The following DOCK2 variants were observed in gnomAD, a reference collection of about 807,000 sequenced individuals.
DOCK2 encodes the protein dedicator of cytokinesis protein 2.
In DOCK2, 87 loss-of-function variants were observed where a neutral mutation model predicts 248.9. That is an observed-to-expected ratio of 0.35 (90% CI 0.29 to 0.42). The LOEUF (loss-of-function observed/expected upper bound fraction) is 0.42, where lower values mean the gene tolerates loss of function less well. Among genes scored for constraint, DOCK2 ranks in the 10% least tolerant of loss-of-function variants. The pLI, the probability that DOCK2 is intolerant of heterozygous loss-of-function variation, is 1.00. For missense variants in DOCK2, 1,747 were observed against 2,300.2 expected (o/e 0.76, Z 4.92); for synonymous variants, 805 against 821.6 (o/e 0.98, Z 0.35).
At chr5:169,910,880 G>C (rs1398178775) in intron 27 of DOCK2, among the ~76,000 whole-genome samples, 1 of 152,164 alleles carries the variant, frequency 6.6e-6, no homozygotes, top group African/African-American at 2.4e-5. Flanking sequence ...TTCTCCTGCA[G>C]GGGGTTGGTT....
At chr5:169,637,450 C>A (rs1465347188) in intron 1 of DOCK2, 81 bp downstream of exon 1, 8 of 1,276,702 alleles carry the variant, frequency 6.3e-6, no homozygotes, top group Non-Finnish European at 7.9e-6. Flanking sequence ...GCGGGGCCGG[C>A]GGCGCGGGGT....
At chr5:169,889,584 C>T (rs886584890) in intron 27 of DOCK2, among the ~76,000 whole-genome samples, 4 of 152,194 alleles carry the variant, frequency 2.6e-5, no homozygotes, top group Non-Finnish European at 5.9e-5. Context: ...GGGTGCTTTA[C>T]GTGTTAACTG....
intron 27 of DOCK2, among the ~76,000 whole-genome samples, chr5:169,950,417 CT>C (rs1190232513): frequency 6.6e-6 from 1 of 152,202 alleles, no homozygotes; most frequent in Non-Finnish European, 1.5e-5. Context: ...TCTTTTTGGA[CT>C]TTCAAACAAC....
intron 30 of DOCK2, among the ~76,000 whole-genome samples, chr5:170,000,754 G>C (rs1243474049): frequency 1.3e-5 from 2 of 152,190 alleles, no homozygotes; most frequent in African/African-American, 4.8e-5. Flanking sequence ...TTGGCTCTAG[G>C]TGTGGCCATT....
intron 27 of DOCK2, among the ~76,000 whole-genome samples, chr5:169,958,311 T>A (rs1478780810): frequency 6.6e-6 from 1 of 152,182 alleles, no homozygotes; most frequent in African/African-American, 2.4e-5. Context: ...ATATGGTCTT[T>A]GCCTTCCTTC....
chr5:170,063,585 G>T (rs533732887), intron 44 of DOCK2, among the ~76,000 whole-genome samples: 3 of 152,254 alleles, frequency 2.0e-5, no homozygotes, highest in Admixed American at 6.5e-5. Context: ...AGAGCCAGAG[G>T]TTGGCACTTC....
At chr5:169,637,511 T>G (rs1756892934) in intron 1 of DOCK2, 142 bp downstream of exon 1, 2 of 1,010,436 alleles carry the variant, frequency 2.0e-6, no homozygotes, top group South Asian at 7.2e-5. Context: ...CGGCGGGGCC[T>G]CGGGGCGGGA....
intron 2 of DOCK2, among the ~76,000 whole-genome samples, chr5:169,656,323 A>ATT (rs201780874): frequency 7.1e-6 from 1 of 139,962 alleles, no homozygotes. Context: ...GAGCTAGTGG[A>ATT]TTTTTTTTTT....
chr5:169,712,256 G>T, intron 17 of DOCK2, 33 bp downstream of exon 17: 1 of 1,591,986 alleles, frequency 6.3e-7, no homozygotes, highest in South Asian at 1.1e-5. Context: ...CTGCACTGAG[G>T]GGAGTGCAGG....
At chr5:170,063,827 G>T (rs7737767) in intron 44 of DOCK2, among the ~76,000 whole-genome samples, 37,081 of 152,122 alleles carry the variant, frequency 0.24, 5,131 homozygotes, top group African/African-American at 0.36. Context: ...ATCCCCAGAA[G>T]CAGAGGGTGC....
intron 21 of DOCK2, among the ~76,000 whole-genome samples, chr5:169,717,888 CCT>C (rs2113554564): frequency 6.6e-6 from 1 of 152,178 alleles, no homozygotes; most frequent in South Asian, 2.1e-4. Context: ...ATGGTGAAAC[CCT>C]GTCTCTACTA....
At chr5:169,642,863 A>G (rs1757223839) in intron 1 of DOCK2, among the ~76,000 whole-genome samples, 1 of 152,154 alleles carries the variant, frequency 6.6e-6, no homozygotes, top group African/African-American at 2.4e-5. Flanking sequence ...TCCTCCTGAG[A>G]TCAGCATCCT....
intron 22 of DOCK2, among the ~76,000 whole-genome samples, chr5:169,739,082 A>T (rs895234197): frequency 1.3e-5 from 2 of 152,220 alleles, no homozygotes; most frequent in African/African-American, 4.8e-5. Context: ...AAAAGAAGAA[A>T]TCACTTAACT....
intron 27 of DOCK2, among the ~76,000 whole-genome samples, chr5:169,915,004 T>C (rs535107498): frequency 7.9e-5 from 12 of 152,358 alleles, no homozygotes; most frequent in African/African-American, 2.2e-4. Flanking sequence ...GGCTCCATCA[T>C]TGCAAGGCAA....
At chr5:169,855,678 G>A (rs1770851932) in intron 27 of DOCK2, among the ~76,000 whole-genome samples, 1 of 152,218 alleles carries the variant, frequency 6.6e-6, no homozygotes. Flanking sequence ...AAGAGACCAA[G>A]GATCCCAATG....
intron 46 of DOCK2, chr5:170,075,676 C>T (rs1263933819): frequency 4.0e-5 from 15 of 371,344 alleles, no homozygotes; most frequent in Non-Finnish European, 6.9e-5. Flanking sequence ...TTTTCCCAAC[C>T]ATGTGGCCTT....
In DOCK2 at chr5:169,637,294, C is replaced by T; in HGVS notation, c.-33C>T. On this transcript the variant is annotated 5_prime_UTR_variant, in exon 1 of 52. Transcript: ENST00000520908. ...GCGCCCAGCCACCCCCTGACGGCTTCCCCACGGGAGGACGCGAGGCCCCGG... is the reference window on the plus strand; with the variant it reads ...GCGCCCAGCCACCCCCTGACGGCTTTCCCACGGGAGGACGCGAGGCCCCGG... 7.0e-7 allele frequency: 1 copy of T among 1,432,722 alleles called. No homozygotes were observed. Among genetic ancestry groups the T allele is most frequent in the African/African-American group, 1.5e-5 (1 of 67,234 alleles). 88.8% of individuals were successfully genotyped at this position (1,432,722 alleles called of 1,614,324 possible).
At chr5:169,758,752 G>T (rs1377186508) in intron 23 of DOCK2, among the ~76,000 whole-genome samples, 4 of 152,222 alleles carry the variant, frequency 2.6e-5, no homozygotes, top group Middle Eastern at 3.2e-3. Context: ...CTTTGGTACA[G>T]CTTCTGCCCT....
chr5:169,817,758 CCAAGGA>C (rs1220180384), intron 26 of DOCK2, among the ~76,000 whole-genome samples: 1 of 152,190 alleles, frequency 6.6e-6, no homozygotes, highest in Non-Finnish European at 1.5e-5. Flanking sequence ...TACAGACTCT[CCAAGGA>C]CAGGGCTGAT....
Sources: gnomAD v4.1 joint callset for allele counts (sites outside exome capture counted in the v4.1 genomes callset) on GRCh38, gnomAD v4.1.1 for gene constraint, MANE v1.5 for transcripts, NCBI Gene and HGNC (gene_info 2026-07-23, HGNC 2026-07-21) for gene names.